Variants in MAGI2 observed in about 807,000 individuals in gnomAD.
MAGI2 encodes membrane associated guanylate kinase, WW and PDZ domain containing 2.
A neutral mutation model predicts 133.3 loss-of-function variants in MAGI2; 35 were observed. The ratio of observed to expected loss-of-function variants is 0.26; its 90% CI spans 0.20 to 0.35. MAGI2 has a LOEUF of 0.35. MAGI2 is among the 10% of genes least tolerant of loss of function. The pLI is 1.00. For synonymous variants in MAGI2, 729 were observed against 710.6 expected, an observed-to-expected ratio of 1.03 and a Z score of -0.41; for missense variants, 1,636 against 1,863.4, an observed-to-expected ratio of 0.88 and a Z score of 2.25.
At chr7:78,967,546 T>A (rs922913528) in intron 2 of MAGI2, among the ~76,000 whole-genome samples, 1 of 152,052 alleles carries the variant, frequency 6.6e-6, no homozygotes, top group African/African-American at 2.4e-5. Flanking sequence ...GTTTTTTCCT[T>A]ATGTTTTCTT....
intron 1 of MAGI2, among the ~76,000 whole-genome samples, chr7:79,088,171 A>C (rs900850710): frequency 6.6e-6 from 1 of 152,030 alleles, no homozygotes; most frequent in Non-Finnish European, 1.5e-5. Context: ...TATTTCCTTG[A>C]GCAATAGTTA....
intron 2 of MAGI2, among the ~76,000 whole-genome samples, chr7:78,997,759 T>C (rs1163503308): frequency 6.6e-6 from 1 of 152,198 alleles, no homozygotes; most frequent in African/African-American, 2.4e-5. Flanking sequence ...TTGATTACAC[T>C]AAGCATTGAT....
intron 1 of MAGI2, chr7:79,125,584 G>T (rs1820341559): frequency 2.0e-6 from 1 of 506,352 alleles, no homozygotes. Context: ...TGGAGGAGGT[G>T]GAAGTGACTC....
At chr7:79,148,033 G>C (rs1040241533) in intron 1 of MAGI2, among the ~76,000 whole-genome samples, 1 of 152,172 alleles carries the variant, frequency 6.6e-6, no homozygotes, top group African/African-American at 2.4e-5. Flanking sequence ...TGGAGCACAC[G>C]GAAGTGTTGG....
chr7:78,190,032 A>C (rs1402075089), intron 12 of MAGI2, among the ~76,000 whole-genome samples: 1 of 152,220 alleles, frequency 6.6e-6, no homozygotes, highest in East Asian at 1.9e-4. Context: ...AATCTTTCCC[A>C]GAAGAAGAAG....
intron 3 of MAGI2, among the ~76,000 whole-genome samples, chr7:78,584,401 C>CA (rs1311613581): frequency 2.7e-5 from 3 of 111,588 alleles, no homozygotes; most frequent in African/African-American, 1.0e-4. Context: ...GCCTGGGTGA[C>CA]AGAGTGAGAC....
At chr7:78,205,652 A>G (rs563634541) in intron 10 of MAGI2, among the ~76,000 whole-genome samples, 65 of 152,334 alleles carry the variant, frequency 4.3e-4, no homozygotes, top group African/African-American at 1.6e-3. Context: ...TTGAAATTCA[A>G]TTTAATTAGG....
intron 2 of MAGI2, among the ~76,000 whole-genome samples, chr7:78,630,126 A>G (rs1344257257): frequency 6.6e-6 from 1 of 152,078 alleles, no homozygotes; most frequent in East Asian, 1.9e-4. Context: ...AGAAAAATAC[A>G]CTGATTTTAG....
chr7:79,067,537 A>G (rs1419252207), intron 1 of MAGI2, among the ~76,000 whole-genome samples: 1 of 152,218 alleles, frequency 6.6e-6, no homozygotes, highest in African/African-American at 2.4e-5. Context: ...ATATACAATC[A>G]TGTCAACTGC....
intron 10 of MAGI2, among the ~76,000 whole-genome samples, chr7:78,227,281 A>T (rs1259437107): frequency 6.6e-6 from 1 of 152,224 alleles, no homozygotes; most frequent in African/African-American, 2.4e-5. Flanking sequence ...ACTGGTCATC[A>T]TCATTGCTCA....
intron 2 of MAGI2, among the ~76,000 whole-genome samples, chr7:78,953,915 G>T (rs1158185154): frequency 6.6e-6 from 1 of 152,088 alleles, no homozygotes; most frequent in African/African-American, 2.4e-5. Context: ...GAGGAATGAT[G>T]ACTTAAATGT....
chr7:78,107,637 T>A lies in MAGI2; in HGVS notation c.3567+18057A>T, dbSNP rs1818831518. Among the ~76,000 whole-genome samples the A allele has an allele frequency of 1.3e-5, 2 of 152,004 alleles. 1 individual carries two copies. The highest frequency in any genetic ancestry group is 4.2e-4 in the South Asian group (2 of 4,818). ...TGAGATTACTTTCTTGGTTTCTTTT[T>A]CAGATGGAAACTTTTTAGCAGCCTC... On this transcript the variant is annotated intron_variant, in intron 20 of 21. Coordinates refer to ENST00000354212, the MANE Select transcript of MAGI2 (RefSeq NM_012301.4).
At chr7:78,347,523 T>C (rs1791045303) in intron 7 of MAGI2, among the ~76,000 whole-genome samples, 1 of 152,210 alleles carries the variant, frequency 6.6e-6, no homozygotes, top group Non-Finnish European at 1.5e-5. Context: ...TGCCTCCTTC[T>C]TGGGGTGGTT....
intron 3 of MAGI2, among the ~76,000 whole-genome samples, chr7:78,555,096 T>C (rs987046268): frequency 1.3e-5 from 2 of 151,644 alleles, no homozygotes; most frequent in Admixed American, 6.6e-5. Context: ...CTATGATCAC[T>C]GCACTCCAGT....
chr7:78,876,664 T>C (rs1224222876), intron 2 of MAGI2, among the ~76,000 whole-genome samples: 2 of 152,138 alleles, frequency 1.3e-5, no homozygotes, highest in Non-Finnish European at 2.9e-5. Flanking sequence ...AACAATGATA[T>C]GTTTCTTGAT....
rs368418346 is a variant in MAGI2 at position 78,311,771 on chromosome 7, T to C, written c.1408+32007A>G. On this transcript the variant is annotated intron_variant, in intron 9 of 21. Transcript: ENST00000354212. ...TGCAAACTTATGACACTTTCACAAA[T>C]TCTTTTTTTTTTTTTTTGAGACAGG... Among the ~76,000 whole-genome samples, 40 of 151,658 alleles carry C rather than the reference T, an allele frequency of 2.6e-4. No homozygotes were observed. The South Asian group carries it at 7.1e-3, about 27-fold the overall frequency.
chr7:78,698,284 G>A (rs1228450991), intron 2 of MAGI2, among the ~76,000 whole-genome samples: 1 of 148,886 alleles, frequency 6.7e-6, no homozygotes, highest in African/African-American at 2.6e-5. Context: ...AATCCAAAAG[G>A]TTCCAAAATC....
chr7:78,286,966 G>T (rs984398915), intron 9 of MAGI2, among the ~76,000 whole-genome samples: 1 of 152,200 alleles, frequency 6.6e-6, no homozygotes, highest in Non-Finnish European at 1.5e-5. Flanking sequence ...GGAATACTGC[G>T]ACATAAGGCT....
At chr7:79,115,862 T>TA (rs1186170038) in intron 1 of MAGI2, among the ~76,000 whole-genome samples, 1,513 of 148,550 alleles carry the variant, frequency 0.01, 36 homozygotes, top group African/African-American at 0.034. Flanking sequence ...AAGTTTTTTT[T>TA]TTTTTTTTTT....
Sources: gnomAD v4.1 joint callset for allele counts (sites outside exome capture counted in the v4.1 genomes callset) on GRCh38, gnomAD v4.1.1 for gene constraint, MANE v1.5 for transcripts, NCBI Gene and HGNC (gene_info 2026-07-23, HGNC 2026-07-21) for gene names.